FCHSD2: variants seen among roughly 807,000 people sequenced by gnomAD.
FCHSD2 encodes the protein F-BAR and double SH3 domains protein 2.
In FCHSD2, 38 loss-of-function variants were observed where a neutral mutation model predicts 108.1. That is an observed-to-expected ratio of 0.35 (90% CI 0.27 to 0.46). The LOEUF (loss-of-function observed/expected upper bound fraction) is 0.46. Ranked by LOEUF, FCHSD2 falls within the 20% of genes least tolerant of loss-of-function variation. FCHSD2 has a pLI of 1.00. For missense variants in FCHSD2, 751 were observed against 897.8 expected (o/e 0.84, Z 2.09); for synonymous variants, 279 against 314.7 (o/e 0.89, Z 1.20).
intron 5 of FCHSD2, among the ~76,000 whole-genome samples, chr11:72,989,382 G>C (rs1002408275): frequency 2.0e-5 from 3 of 152,180 alleles, no homozygotes; most frequent in Non-Finnish European, 2.9e-5. Context: ...ACATGGAAGA[G>C]CAACTATGAA....
At chr11:73,091,736 T>C (rs1302810643) in intron 2 of FCHSD2, among the ~76,000 whole-genome samples, 2 of 151,816 alleles carry the variant, frequency 1.3e-5, no homozygotes, top group Non-Finnish European at 2.9e-5. Context: ...TAACTCTTCC[T>C]CATTCTTTAA....
At chr11:72,966,306 C>T (rs1856905857) in intron 8 of FCHSD2, among the ~76,000 whole-genome samples, 1 of 151,902 alleles carries the variant, frequency 6.6e-6, no homozygotes, top group African/African-American at 2.4e-5. Context: ...ATTACAGGTG[C>T]CCGCCACCAC....
chr11:72,948,250 C>T (rs192022594), intron 8 of FCHSD2, among the ~76,000 whole-genome samples: 12 of 152,266 alleles, frequency 7.9e-5, no homozygotes, highest in Non-Finnish European at 1.0e-4. Context: ...TCAAGCAATC[C>T]ACCCACCTCA....
intron 2 of FCHSD2, 149 bp downstream of exon 2, chr11:73,139,882 G>C: frequency 1.9e-6 from 1 of 514,818 alleles, no homozygotes; most frequent in Non-Finnish European, 3.4e-6. Flanking sequence ...GTTAGTTCCA[G>C]TTCTAATTTC....
chr11:73,141,975 G>T lies in FCHSD2; in HGVS notation c.-98C>A, dbSNP rs1861260256. 2.4e-6 allele frequency: 3 copies of T among 1,276,176 alleles called. No individual in the cohort carries two copies. Among genetic ancestry groups the T allele is most frequent in the Non-Finnish European group, 3.2e-6 (3 of 925,514 alleles). The allele number at this position is 1,276,176 out of a possible 1,614,324, so 79.1% of individuals were successfully genotyped here. On this transcript the variant is annotated 5_prime_UTR_variant, in exon 1 of 20. Transcript: ENST00000409418. ...GGAGGGGACGGCCCAGCGAGCGCGC[G>T]CGTGTGTGAAAGGAGCGCTTAAGAA... is the stretch of plus-strand genomic sequence containing the variant.
rs1370891890 is a variant in FCHSD2, at chr11:72,988,988, C to T, written c.497G>A (p.Arg166Gln). ...CTTTGCCTCGATGTCAGCTTTCTCTCGTACTGCATGAGCCATCTGTTCAGT... is the reference window on the plus strand; with the variant it reads ...CTTTGCCTCGATGTCAGCTTTCTCTTGTACTGCATGAGCCATCTGTTCAGT... ...FETEQMAHAV[R>Q]EKADIEAKSK... Residue 166 changes from arginine (R) to glutamine (Q), a missense_variant, in exon 6 of 20, where the codon CGA becomes CAA. Transcript: ENST00000409418. 5 of 1,610,828 alleles carry T rather than the reference C, an allele frequency of 3.1e-6. No individual in the cohort carries two copies. Among genetic ancestry groups the T allele is most frequent in the Non-Finnish European group, 4.2e-6 (5 of 1,178,580 alleles).
chr11:72,851,798 T>G (rs962780649), intron 13 of FCHSD2, among the ~76,000 whole-genome samples: 1 of 151,276 alleles, frequency 6.6e-6, no homozygotes, highest in Non-Finnish European at 1.5e-5. Context: ...TCGTGAAGTA[T>G]GTGAAAAAAC....
chr11:73,037,811 C>T (rs1858534913), intron 3 of FCHSD2, among the ~76,000 whole-genome samples: 1 of 152,188 alleles, frequency 6.6e-6, no homozygotes, highest in African/African-American at 2.4e-5. Context: ...AGCAATCACA[C>T]TTGTTATGCA....
intron 5 of FCHSD2, among the ~76,000 whole-genome samples, chr11:72,997,915 G>C (rs961226497): frequency 6.6e-6 from 1 of 152,160 alleles, no homozygotes; most frequent in Non-Finnish European, 1.5e-5. Flanking sequence ...TGGCCAGGCT[G>C]ATCTTGGACT....
At chr11:73,133,911 G>A (rs1351699735) in intron 2 of FCHSD2, among the ~76,000 whole-genome samples, 2 of 151,920 alleles carry the variant, frequency 1.3e-5, no homozygotes, top group Non-Finnish European at 2.9e-5. Context: ...AGGGTTATGG[G>A]GAGCGACTGC....
At chr11:72,861,395 CA>C (rs34484683) in intron 13 of FCHSD2, among the ~76,000 whole-genome samples, 107,858 of 142,608 alleles carry the variant, frequency 0.76, 40,651 homozygotes, top group Non-Finnish European at 0.8. Flanking sequence ...TAAAAACTTC[CA>C]AAAAAAAAAA....
chr11:73,103,492 C>T (rs1054007880), intron 2 of FCHSD2, among the ~76,000 whole-genome samples: 4 of 152,068 alleles, frequency 2.6e-5, no homozygotes, highest in Non-Finnish European at 4.4e-5. Flanking sequence ...AAATATCTGC[C>T]GCCTTCTGTA....
intron 8 of FCHSD2, among the ~76,000 whole-genome samples, chr11:72,939,712 G>A (rs7127235): frequency 0.99 from 148,048 of 149,374 alleles, 73,366 homozygotes; most frequent in East Asian, 1. Flanking sequence ...CCCGCCTCCC[G>A]GGTTCAAGTG....
chr11:72,937,600 C>T (rs1388648584), intron 8 of FCHSD2, among the ~76,000 whole-genome samples: 1 of 152,168 alleles, frequency 6.6e-6, no homozygotes, highest in South Asian at 2.1e-4. Context: ...GCCTCGGCCT[C>T]CCAAAGTGCT....
chr11:72,844,340 T>A (rs1269202347), intron 14 of FCHSD2, among the ~76,000 whole-genome samples: 1 of 152,102 alleles, frequency 6.6e-6, no homozygotes, highest in African/African-American at 2.4e-5. Flanking sequence ...TGTAAAGCAG[T>A]GGCCAAAAGA....
rs571479975 is a variant in FCHSD2 at position 73,061,071 on chromosome 11, C to T, written c.165+22624G>A. The stretch of plus-strand genomic sequence containing the variant: ...GGTCTGCAGCTCCCAGCAAGATCCT[C>T]GCAGAAGGCAGATGATTTCTGCATG... On this transcript the variant is annotated intron_variant, in intron 3 of 19. Coordinates refer to ENST00000409418, the MANE Select transcript of FCHSD2 (RefSeq NM_014824.3). Among the ~76,000 whole-genome samples the T allele has an allele frequency of 8.5e-5, 13 of 152,344 alleles. No individual in the cohort carries two copies. The East Asian group carries it at 2.3e-3, about 27-fold the overall frequency.
chr11:72,984,257 T>C (rs770497412), intron 7 of FCHSD2, 41 bp from the exon 8 acceptor site: 8 of 1,596,732 alleles, frequency 5.0e-6, no homozygotes, highest in South Asian at 1.1e-5. Flanking sequence ...CAAACTGATA[T>C]TGTACTGCAA....
rs1202954745 is a variant in FCHSD2, at chr11:73,057,981, G to A, written c.165+25714C>T. Among the ~76,000 whole-genome samples, 5 of 151,310 alleles carry A rather than the reference G, an allele frequency of 3.3e-5. No individual in the cohort carries two copies. In the South Asian group the frequency reaches 1.0e-3, roughly 32 times the overall value. On this transcript the variant is annotated intron_variant, in intron 3 of 19. Coordinates refer to ENST00000409418, the MANE Select transcript of FCHSD2 (RefSeq NM_014824.3). ...TGCAAGCTCCGCCTCCCGGGTTCACGCCATCCTCCTGCCTCAGCTTCCCGA... is the reference window on the plus strand; with the variant it reads ...TGCAAGCTCCGCCTCCCGGGTTCACACCATCCTCCTGCCTCAGCTTCCCGA...
intron 9 of FCHSD2, among the ~76,000 whole-genome samples, chr11:72,906,087 C>A (rs1041902295): frequency 6.6e-6 from 1 of 152,220 alleles, no homozygotes; most frequent in Non-Finnish European, 1.5e-5. Context: ...TCTCCACATC[C>A]TCTCCAGCAT....
Sources: gnomAD v4.1 joint callset for allele counts (sites outside exome capture counted in the v4.1 genomes callset) on GRCh38, gnomAD v4.1.1 for gene constraint, MANE v1.5 for transcripts, NCBI Gene and HGNC (gene_info 2026-07-23, HGNC 2026-07-21) for gene names.